Variants in ATG4B observed in about 807,000 individuals in gnomAD.
ATG4B encodes autophagy related 4B cysteine peptidase.
A neutral mutation model predicts 56.6 loss-of-function variants in ATG4B; 29 were observed. The observed-to-expected ratio is 0.51, with a 90% confidence interval of 0.38 to 0.70. The LOEUF is 0.70. ATG4B is among the 30% of genes least tolerant of loss of function. The pLI is 0.00. For missense variants in ATG4B, 461 were observed against 515.5 expected (o/e 0.89, Z 1.02); for synonymous variants, 224 against 206.1 (o/e 1.09, Z -0.74).
At position 241,651,511 on chromosome 2, in the gene ATG4B, C is replaced by T. The variant is rs939654742; in HGVS notation, c.184+176C>T. ...GTAGTAGTGGCAAAGCTAGAATCCA[C>T]GGCGCCTGACTCTAGGCTAGTGTGT... On this transcript the variant is annotated intron_variant, in intron 3 of 12. Transcript: ENST00000404914. This position sits in a 1 kb window ranked among gnomAD's most constrained non-coding sequence, Gnocchi z 4.1. Among the ~76,000 whole-genome samples, 3 of 152,234 alleles carry T rather than the reference C, an allele frequency of 2.0e-5. No individual in the cohort carries two copies. Among genetic ancestry groups the T allele is most frequent in the Non-Finnish European group, 2.9e-5 (2 of 68,044 alleles).
chr2:241,673,676 G>A lies in ATG4B; in HGVS notation c.*1412G>A, dbSNP rs760041436. The A allele has an allele frequency of 8.8e-6, 4 of 455,950 alleles. No homozygotes were observed. The highest frequency in any genetic ancestry group is 1.5e-5 in the South Asian group (1 of 64,534). The allele number at this position is 455,950 out of a possible 1,614,324, so 28.2% of individuals were successfully genotyped here. ...GCGATCTCCATTCCTTGGGCTCCAC[G>A]TCCGAGTTCATGGTGCGCCGCTGTG... On this transcript the variant is annotated 3_prime_UTR_variant, in exon 13 of 13. Transcript: ENST00000404914.
intron 7 of ATG4B, among the ~76,000 whole-genome samples, chr2:241,660,973 C>G (rs904460355): frequency 1.3e-5 from 2 of 152,206 alleles, no homozygotes; most frequent in African/African-American, 4.8e-5. Flanking sequence ...ACCTCCGTCC[C>G]TCTGGGTGCA....
At chr2:241,643,352 C>T (rs934910638) in intron 1 of ATG4B, among the ~76,000 whole-genome samples, 1 of 146,838 alleles carries the variant, frequency 6.8e-6, no homozygotes, top group African/African-American at 2.5e-5. Flanking sequence ...CTACAGATGT[C>T]CACGCCTAGC....
chr2:241,656,344 C>T (rs1298095035), intron 6 of ATG4B, among the ~76,000 whole-genome samples: 1 of 152,136 alleles, frequency 6.6e-6, no homozygotes, highest in African/African-American at 2.4e-5. Flanking sequence ...GCCTGCTGCT[C>T]CCTCTGTCTC....
At position 241,664,010 on chromosome 2, in the gene ATG4B, A is replaced by G. The variant is rs574269069; in HGVS notation, c.539-2635A>G. ...ATTTTAGTGGAGATGGGGTTTCACC[A>G]TATTTCACCATGTTGGCCAGGATGG... is the stretch of plus-strand genomic sequence containing the variant. On this transcript the variant is annotated intron_variant, in intron 7 of 12. Transcript: ENST00000404914. 6.6e-5 allele frequency among the ~76,000 whole-genome samples: 10 copies of G among 152,134 alleles called. No individual in the cohort carries two copies. In the South Asian group the frequency reaches 1.0e-3, roughly 16 times the overall value.
intron 1 of ATG4B, among the ~76,000 whole-genome samples, chr2:241,648,191 A>G (rs1381525342): frequency 6.6e-6 from 1 of 152,210 alleles, no homozygotes; most frequent in Non-Finnish European, 1.5e-5. Flanking sequence ...CAAGTAACAT[A>G]TATATAAAAA....
intron 1 of ATG4B, among the ~76,000 whole-genome samples, chr2:241,644,080 C>CCT (rs2067991354): frequency 6.6e-6 from 1 of 152,094 alleles, no homozygotes; most frequent in Non-Finnish European, 1.5e-5. Flanking sequence ...AGTGTGGTGG[C>CCT]TCACACTTGT....
rs2068432185 is a variant in ATG4B at position 241,657,157 on chromosome 2, A to G, written c.458+1814A>G. 2.8e-5 allele frequency among the ~76,000 whole-genome samples: 4 copies of G among 144,496 alleles called. No individual in the cohort carries two copies. The Admixed American group carries it at 2.8e-4, about 10-fold the overall frequency. 94.8% of individuals were successfully genotyped at this position (144,496 alleles called of 152,430 possible). A position where few individuals can be genotyped will look rare whatever the true frequency, so the allele number is the denominator to read the frequency against. On this transcript the variant is annotated intron_variant, in intron 6 of 12. Transcript: ENST00000404914. Reference sequence around the variant, plus strand: ...TGCCCAGCTAATTTTTTCAATTTTTAGTAGAGATGGGGTTTCACCATGTTG... The same window carrying G: ...TGCCCAGCTAATTTTTTCAATTTTTGGTAGAGATGGGGTTTCACCATGTTG...
intron 1 of ATG4B, among the ~76,000 whole-genome samples, chr2:241,643,751 C>T (rs1197531048): frequency 3.5e-5 from 5 of 144,416 alleles, no homozygotes; most frequent in Non-Finnish European, 7.5e-5. Context: ...CTCACTGCAA[C>T]GGGGTTTTGC....
intron 1 of ATG4B, among the ~76,000 whole-genome samples, chr2:241,638,911 T>C (rs1414550957): frequency 6.6e-6 from 1 of 152,256 alleles, no homozygotes; most frequent in African/African-American, 2.4e-5. Flanking sequence ...TATATCTTTT[T>C]AGGTGTTATT....
chr2:241,661,010 C>T (rs895614838), intron 7 of ATG4B, among the ~76,000 whole-genome samples: 3 of 152,210 alleles, frequency 2.0e-5, no homozygotes, highest in African/African-American at 7.2e-5. Flanking sequence ...GTGTTGGGGG[C>T]AGCTTGTCTG....
At chr2:241,643,555 G>A (rs2067965690) in intron 1 of ATG4B, among the ~76,000 whole-genome samples, 1 of 149,670 alleles carries the variant, frequency 6.7e-6, no homozygotes, top group South Asian at 2.1e-4. Flanking sequence ...GAAGTCTAGA[G>A]ATGGGTCTAT....
At chr2:241,667,444 A>C (rs1283767566) in intron 8 of ATG4B, among the ~76,000 whole-genome samples, 1 of 151,816 alleles carries the variant, frequency 6.6e-6, no homozygotes, top group African/African-American at 2.4e-5. Context: ...TCTCTACTAA[A>C]AATATAAAAA....
chr2:241,668,507 C>G lies in ATG4B; in HGVS notation c.812-33C>G. 6.3e-7 allele frequency: 1 copy of G among 1,597,260 alleles called. No homozygotes were observed. The highest frequency in any genetic ancestry group is 8.5e-7 in the Non-Finnish European group (1 of 1,176,172). ...CTGTCCCTTTCCTCTGCCGGCTCGGCCACCCACCTGCCCACCTGCCTCATC... is the reference window on the plus strand; with the variant it reads ...CTGTCCCTTTCCTCTGCCGGCTCGGGCACCCACCTGCCCACCTGCCTCATC... On this transcript the variant is annotated intron_variant, in intron 9 of 12. Coordinates refer to ENST00000404914, the MANE Select transcript of ATG4B (RefSeq NM_013325.5). The surrounding 1 kb of genome is among the most constrained non-coding windows in gnomAD (Gnocchi z 4.2).
intron 1 of ATG4B, among the ~76,000 whole-genome samples, chr2:241,643,694 TCC>T (rs200143016): frequency 0.17 from 20,208 of 121,836 alleles, 2,114 homozygotes; most frequent in South Asian, 0.37. Context: ...GTATATATTT[TCC>T]CCCCCCCCCG....
chr2:241,670,822 C>G (rs777646348), intron 11 of ATG4B, 40 bp downstream of exon 11: 2 of 1,582,520 alleles, frequency 1.3e-6, no homozygotes, highest in Admixed American at 1.8e-5. Context: ...GCTGAGCCAC[C>G]CAGGGAGACA....
intron 6 of ATG4B, 113 bp downstream of exon 6, chr2:241,655,456 T>C: frequency 1.9e-6 from 2 of 1,057,776 alleles, no homozygotes; most frequent in Non-Finnish European, 2.8e-6. Flanking sequence ...AATTATTTAC[T>C]TCATGGCCCT....
At position 241,668,242 on chromosome 2, in the gene ATG4B, G is replaced by C. The variant is rs762878139; in HGVS notation, c.811+21G>C. On this transcript the variant is annotated intron_variant, in intron 9 of 12. Transcript: ENST00000404914. The surrounding 1 kb of genome is among the most constrained non-coding windows in gnomAD (Gnocchi z 4.2). Reference sequence around the variant, plus strand: ...CGTTGGTGAGTCCAGGGTTCCCACCGTGTCCCTGTGGGCCTGGGCCTTTTA... The same window carrying C: ...CGTTGGTGAGTCCAGGGTTCCCACCCTGTCCCTGTGGGCCTGGGCCTTTTA... 3.8e-6 allele frequency: 6 copies of C among 1,578,714 alleles called. No individual in the cohort carries two copies. Among genetic ancestry groups the C allele is most frequent in the Non-Finnish European group, 5.2e-6 (6 of 1,162,676 alleles).
intron 7 of ATG4B, among the ~76,000 whole-genome samples, chr2:241,660,920 G>A (rs2068571728): frequency 6.6e-6 from 1 of 152,190 alleles, no homozygotes; most frequent in Non-Finnish European, 1.5e-5. Flanking sequence ...GGCTGTTGCT[G>A]GGTGCAGTGG....
Sources: gnomAD v4.1 joint callset for allele counts (sites outside exome capture counted in the v4.1 genomes callset) on GRCh38, gnomAD v4.1.1 for gene constraint, Gnocchi (gnomAD v3.1) non-coding constraint, MANE v1.5 for transcripts, NCBI Gene and HGNC (gene_info 2026-07-23, HGNC 2026-07-21) for gene names.